The following ZNF683 variants were observed in gnomAD, a reference collection of about 807,000 sequenced individuals.
ZNF683 encodes zinc finger protein 683, also known as tissue-resident T-cell transcription regulator protein ZNF683.
Under a neutral mutation model 31.4 loss-of-function variants are expected in ZNF683, and 20 were observed. That is an observed-to-expected ratio of 0.64 (90% CI 0.45 to 0.93). The LOEUF is 0.93. ZNF683 is among the 40% of genes least tolerant of loss of function. The pLI, the probability that ZNF683 is intolerant of heterozygous loss-of-function variation, is 0.00. For synonymous variants in ZNF683, 264 were observed against 267.6 expected (o/e 0.99, Z 0.13); for missense variants, 621 against 637.2 (o/e 0.97, Z 0.27).
Position 26,365,103 on chromosome 1 carries a change from G to A in ZNF683, c.443C>T (p.Pro148Leu). 1 of 1,607,056 alleles carries A rather than the reference G, an allele frequency of 6.2e-7. No individual in the cohort carries two copies. The highest frequency in any genetic ancestry group is 1.1e-5 in the South Asian group (1 of 90,122). Residue 148 changes from proline (P) to leucine (L), a missense_variant, in exon 4 of 6, where the codon CCA becomes CTA. Pro to Leu is a moderately conservative substitution (Grantham distance 98). Coordinates refer to ENST00000349618, the MANE Select transcript of ZNF683 (RefSeq NM_001114759.3). ...PERAGEGAPCPAFSSHNSSSP... is the reference protein window; with the variant it reads ...PERAGEGAPCLAFSSHNSSSP... ...AGAGCTGTTATGAGAGGAGAAGGCT[G>A]GGCAGGGGGCCCCCTCGCCAGCTCT...
At chr1:26,362,174 A>G in intron 5 of ZNF683, 152 bp from the exon 6 acceptor site, 2 of 1,590,648 alleles carry the variant, frequency 1.3e-6, no homozygotes, top group Non-Finnish European at 1.7e-6. Context: ...AACCCACGGT[A>G]TCTAGCACAT....
rs1350818084 is a variant in ZNF683, at chr1:26,368,498, A to G, written c.74T>C (p.Leu25Pro). Reference sequence around the variant, plus strand: ...GAGCTGGAAGTCCAGGCTGGGGGACAGGGAGCCCCCTGTACCTCCCAGGGC... The same window carrying G: ...GAGCTGGAAGTCCAGGCTGGGGGACGGGGAGCCCCCTGTACCTCCCAGGGC... ...PMALGGTGGS[L>P]SPSLDFQLFR... is the part of the protein sequence containing the mutation. Residue 25 changes from leucine (L) to proline (P), a missense_variant, in exon 2 of 6, where the codon CTG (leucine) becomes CCG (proline). Physicochemically the swap from Leu to Pro is moderately conservative, Grantham distance 98. Transcript: ENST00000349618. The G allele has an allele frequency of 6.2e-7, 1 of 1,601,472 alleles. No individual in the cohort carries two copies. The highest frequency in any genetic ancestry group is 1.1e-5 in the South Asian group (1 of 88,624).
intron 5 of ZNF683, among the ~76,000 whole-genome samples, chr1:26,362,377 A>G (rs745350779): frequency 6.6e-6 from 1 of 152,218 alleles, no homozygotes; most frequent in Non-Finnish European, 1.5e-5. Context: ...GTAGATTGTA[A>G]TGAACATTTA....
chr1:26,363,453 C>T (rs943119741), intron 4 of ZNF683, among the ~76,000 whole-genome samples: 3 of 152,112 alleles, frequency 2.0e-5, no homozygotes, highest in Non-Finnish European at 4.4e-5. Flanking sequence ...TTCTCAAGTC[C>T]GGCCCCAGAC....
At chr1:26,365,277 C>A in intron 3 of ZNF683, 51 bp from the exon 4 acceptor site, 2 of 1,516,922 alleles carry the variant, frequency 1.3e-6, no homozygotes, top group South Asian at 1.2e-5. Context: ...GGGTGAAGTT[C>A]TGTCCGCCAT....
intron 1 of ZNF683, among the ~76,000 whole-genome samples, chr1:26,368,873 A>C (rs1343041644): frequency 6.6e-6 from 1 of 152,198 alleles, no homozygotes; most frequent in Admixed American, 6.5e-5. Flanking sequence ...GCACTTTGGG[A>C]GGCTGAGAAG....
chr1:26,369,883 A>T (rs976179233), intron 1 of ZNF683, among the ~76,000 whole-genome samples: 18 of 152,078 alleles, frequency 1.2e-4, no homozygotes, highest in Non-Finnish European at 2.4e-4. Context: ...GGTCCCAGCT[A>T]CTTGGGAGGC....
intron 4 of ZNF683, among the ~76,000 whole-genome samples, chr1:26,363,433 G>C (rs577809146): frequency 2.0e-5 from 3 of 152,310 alleles, no homozygotes; most frequent in African/African-American, 7.2e-5. Flanking sequence ...GAGCATGTTA[G>C]AAATGCAGGT....
At chr1:26,365,745 T>TA (rs1008936858) in intron 3 of ZNF683, among the ~76,000 whole-genome samples, 1 of 152,128 alleles carries the variant, frequency 6.6e-6, no homozygotes, top group South Asian at 2.1e-4. Context: ...AAAAACCTGT[T>TA]AAAAAATAAA....
chr1:26,374,223 G>A, upstream of ZNF683: 4 of 1,302,224 alleles, frequency 3.1e-6, no homozygotes, highest in Non-Finnish European at 4.0e-6. Flanking sequence ...GAATCACAGG[G>A]AAGTGAGGGG....
intron 1 of ZNF683, chr1:26,370,670 C>A: frequency 1.0e-6 from 1 of 985,728 alleles, no homozygotes; most frequent in Non-Finnish European, 1.2e-6. Context: ...TGGGGCTCTC[C>A]ACTCGGTGCT....
In ZNF683 at chr1:26,365,234, G is replaced by A. The variant is rs1306009047; in HGVS notation, c.320-8C>T. The A allele has an allele frequency of 1.3e-6, 2 of 1,579,492 alleles. No homozygotes were observed. The highest frequency in any genetic ancestry group is 1.7e-6 in the Non-Finnish European group (2 of 1,164,064). ...GCCCTGGTGGCTCGTGCTCTAAGCA[G>A]GAAAAGGAAGGCGGTCAGATCCCCA... On this transcript the variant is annotated splice_region_variant and splice_polypyrimidine_tract_variant and intron_variant, in intron 3 of 5. Transcript: ENST00000349618.
intron 1 of ZNF683, among the ~76,000 whole-genome samples, chr1:26,371,749 T>C (rs745329621): frequency 5.9e-5 from 9 of 151,464 alleles, no homozygotes; most frequent in Non-Finnish European, 1.0e-4. Flanking sequence ...ATGAGCAACA[T>C]GGTGAAACAC....
chr1:26,370,810 G>A (rs2074652551), intron 1 of ZNF683: 8 of 845,984 alleles, frequency 9.5e-6, no homozygotes, highest in Non-Finnish European at 1.1e-5. Context: ...ATAGGAAGTG[G>A]GGGCAGGCAG....
intron 2 of ZNF683, among the ~76,000 whole-genome samples, chr1:26,368,036 T>A (rs994576796): frequency 3.9e-5 from 6 of 152,072 alleles, no homozygotes; most frequent in African/African-American, 1.4e-4. Flanking sequence ...CTAGCCCTGT[T>A]CTCCCTCCCT....
chr1:26,368,802 G>C (rs1236771783), intron 1 of ZNF683, among the ~76,000 whole-genome samples: 1 of 152,210 alleles, frequency 6.6e-6, no homozygotes, highest in Non-Finnish European at 1.5e-5. Context: ...TGCTCTCCTG[G>C]TGGGTGTGGG....
At chr1:26,369,031 T>C (rs892538161) in intron 1 of ZNF683, among the ~76,000 whole-genome samples, 2 of 150,858 alleles carry the variant, frequency 1.3e-5, no homozygotes, top group African/African-American at 4.9e-5. Context: ...GATGACCTGA[T>C]GTCAGGAGTT....
chr1:26,373,703 G>A (rs1184878291), upstream of ZNF683, among the ~76,000 whole-genome samples: 1 of 152,152 alleles, frequency 6.6e-6, no homozygotes, highest in African/African-American at 2.4e-5. Context: ...CTCCTGAAAT[G>A]GTTTTTGTAG....
At position 26,366,785 on chromosome 1, in the gene ZNF683, C is replaced by A. The variant is rs185669259; in HGVS notation, c.319+808G>T. ...ATTCTCCTGCCTCAGCCTCCTGAGTCGCTGGGACTACAGGCACCTGCCACC... is the reference window on the plus strand; with the variant it reads ...ATTCTCCTGCCTCAGCCTCCTGAGTAGCTGGGACTACAGGCACCTGCCACC... On this transcript the variant is annotated intron_variant, in intron 3 of 5. Transcript: ENST00000349618. Among the ~76,000 whole-genome samples, 1,328 of 152,064 alleles carry A rather than the reference C, an allele frequency of 8.7e-3. 18 individuals carry two copies. The highest frequency in any genetic ancestry group is 0.031 in the African/African-American group (1,268 of 41,488).
Sources: allele counts gnomAD v4.1 joint callset (sites outside exome capture counted in the v4.1 genomes callset), GRCh38; gene constraint gnomAD v4.1.1; transcripts MANE v1.5; gene names NCBI Gene and HGNC (gene_info 2026-07-23, HGNC 2026-07-21).